Variants in TDRD9 observed in about 807,000 individuals in gnomAD.
The protein encoded by TDRD9 is ATP-dependent RNA helicase TDRD9.
In TDRD9, 124 loss-of-function variants were observed where a neutral mutation model predicts 172.6. The ratio of observed to expected loss-of-function variants is 0.72; its 90% CI spans 0.62 to 0.83. The LOEUF (loss-of-function observed/expected upper bound fraction) is 0.83, where lower values mean the gene tolerates loss of function less well. Ranked by LOEUF, TDRD9 falls within the 40% of genes least tolerant of loss-of-function variation. TDRD9 has a pLI of 0.00. For missense variants in TDRD9, 1,479 were observed against 1,714.1 expected, an observed-to-expected ratio of 0.86 and a Z score of 2.42; for synonymous variants, 619 against 617.1, an observed-to-expected ratio of 1.00 and a Z score of -0.05.
intron 6 of TDRD9, among the ~76,000 whole-genome samples, chr14:103,972,055 G>A (rs1356940191): frequency 6.6e-6 from 1 of 152,076 alleles, no homozygotes; most frequent in Non-Finnish European, 1.5e-5. Flanking sequence ...TACTTGGGAG[G>A]CTGACGGAGG....
At chr14:103,962,239 C>G (rs8021692) in intron 2 of TDRD9, among the ~76,000 whole-genome samples, 36,989 of 152,066 alleles carry the variant, frequency 0.24, 5,050 homozygotes, top group South Asian at 0.44. Flanking sequence ...TTATTGCTAT[C>G]ACTGATGTAT....
chr14:104,029,436 G>A (rs1484147114), intron 28 of TDRD9, among the ~76,000 whole-genome samples: 2 of 152,004 alleles, frequency 1.3e-5, no homozygotes, highest in Non-Finnish European at 2.9e-5. Flanking sequence ...ATTTTTGTAG[G>A]TATTGTAAAT....
chr14:103,971,130 C>T (rs1364154160), intron 6 of TDRD9, among the ~76,000 whole-genome samples: 2 of 151,712 alleles, frequency 1.3e-5, no homozygotes, highest in Non-Finnish European at 2.9e-5. Flanking sequence ...ACTACAGGCA[C>T]CCACCACCAA....
intron 28 of TDRD9, among the ~76,000 whole-genome samples, chr14:104,027,704 G>T (rs989217576): frequency 6.6e-6 from 1 of 152,080 alleles, no homozygotes; most frequent in Non-Finnish European, 1.5e-5. Context: ...TCTTTGTGTT[G>T]TAAACATTCA....
At chr14:103,952,214 ATATATATTTTTTTTTTTTTTTTTTTT>A (rs2031946079) in intron 1 of TDRD9, among the ~76,000 whole-genome samples, 3 of 57,396 alleles carry the variant, frequency 5.2e-5, no homozygotes, top group African/African-American at 9.1e-5. Flanking sequence ...ATATATATAT[ATATATATTTTTTTTTTTTTTTTTTTT>A]TTTTTTTTTT....
At chr14:103,968,180 A>G (rs1022677552) in intron 5 of TDRD9, among the ~76,000 whole-genome samples, 2 of 152,276 alleles carry the variant, frequency 1.3e-5, no homozygotes, top group Non-Finnish European at 1.5e-5. Flanking sequence ...ATAGCTGAGC[A>G]AAAGTTAGCT....
At chr14:103,979,938 C>T (rs531605398) in intron 7 of TDRD9, among the ~76,000 whole-genome samples, 7 of 150,336 alleles carry the variant, frequency 4.7e-5, no homozygotes, top group African/African-American at 1.5e-4. Context: ...TGCATTGGTG[C>T]GATCATAGCT....
intron 1 of TDRD9, among the ~76,000 whole-genome samples, chr14:103,942,507 C>T (rs2031299197): frequency 6.6e-6 from 1 of 152,192 alleles, no homozygotes; most frequent in South Asian, 2.1e-4. Context: ...ACCATAGATG[C>T]GCTCCGAGCT....
intron 34 of TDRD9, among the ~76,000 whole-genome samples, chr14:104,042,545 G>C (rs749479354): frequency 7.9e-5 from 12 of 152,150 alleles, no homozygotes; most frequent in Non-Finnish European, 1.5e-4. Context: ...CTCTCTGCAG[G>C]GGAGGTTGGA....
At chr14:103,929,589 G>A (rs113644913) in intron 1 of TDRD9, among the ~76,000 whole-genome samples, 10,865 of 150,498 alleles carry the variant, frequency 0.072, 565 homozygotes, top group Non-Finnish European at 0.12. Flanking sequence ...GCGCCATCTC[G>A]CCTCACTGCA....
At chr14:104,044,014 G>C (rs1247845971) in intron 34 of TDRD9, among the ~76,000 whole-genome samples, 1 of 152,178 alleles carries the variant, frequency 6.6e-6, no homozygotes, top group African/African-American at 2.4e-5. Flanking sequence ...CCCTGCTTAA[G>C]CCTGTGTGTC....
chr14:103,935,754 C>T (rs1428516545), intron 1 of TDRD9, among the ~76,000 whole-genome samples: 3 of 152,078 alleles, frequency 2.0e-5, no homozygotes, highest in African/African-American at 7.3e-5. Context: ...CAGAGGGACA[C>T]CAGGTGAGTG....
chr14:104,018,838 TAAGAAC>T (rs1348330355), intron 23 of TDRD9, among the ~76,000 whole-genome samples: 1 of 152,202 alleles, frequency 6.6e-6, no homozygotes, highest in Non-Finnish European at 1.5e-5. Flanking sequence ...GCTTTGTAAA[TAAGAAC>T]AAACACTTTT....
At chr14:103,978,261 G>A (rs1292970693) in intron 7 of TDRD9, among the ~76,000 whole-genome samples, 1 of 151,994 alleles carries the variant, frequency 6.6e-6, no homozygotes, top group Non-Finnish European at 1.5e-5. Context: ...ACTTTGGGTA[G>A]TATAGTCATT....
intron 13 of TDRD9, among the ~76,000 whole-genome samples, chr14:104,000,500 A>C (rs1339981497): frequency 6.6e-6 from 1 of 152,084 alleles, no homozygotes; most frequent in Non-Finnish European, 1.5e-5. Context: ...AATGACTAGA[A>C]ATAGCTGGGT....
chr14:103,987,117 A>AT (rs2033689981), intron 8 of TDRD9, among the ~76,000 whole-genome samples: 4 of 134,766 alleles, frequency 3.0e-5, no homozygotes, highest in South Asian at 2.5e-4. Flanking sequence ...CATCTCAAAA[A>AT]ATATATACAC....
chr14:103,982,165 C>A lies in TDRD9; in HGVS notation c.1012-4052C>A, dbSNP rs564677120. On this transcript the variant is annotated intron_variant, in intron 7 of 35. Coordinates refer to ENST00000409874, the MANE Select transcript of TDRD9 (RefSeq NM_153046.3). ...TCATCTGATCTACTGTTTCCCCCTC[C>A]CCATTGTCACCATTAGTGTCTCCTT... 1.3e-4 allele frequency among the ~76,000 whole-genome samples: 20 copies of A among 152,294 alleles called. No individual in the cohort carries two copies. In the South Asian group the frequency reaches 3.3e-3, roughly 25 times the overall value.
intron 34 of TDRD9, among the ~76,000 whole-genome samples, chr14:104,047,955 G>A (rs957815063): frequency 1.3e-5 from 2 of 152,164 alleles, no homozygotes; most frequent in Admixed American, 1.3e-4. Context: ...TGGCTGCCTT[G>A]AGGTCTTTGA....
chr14:104,049,930 A>G, intron 35 of TDRD9: 1 of 429,154 alleles, frequency 2.3e-6, no homozygotes. Flanking sequence ...GTGAGTTGGG[A>G]AAAAAAGGTA....
Sources: gnomAD v4.1 joint callset for allele counts (sites outside exome capture counted in the v4.1 genomes callset) on GRCh38, gnomAD v4.1.1 for gene constraint, MANE v1.5 for transcripts, NCBI Gene and HGNC (gene_info 2026-07-23, HGNC 2026-07-21) for gene names.